RILPL1: variants seen among roughly 807,000 people sequenced by gnomAD.
The protein encoded by RILPL1 is Rab interacting lysosomal protein like 1, also known as RILP-like protein 1.
In RILPL1, 33 loss-of-function variants were observed where a neutral mutation model predicts 50.3. The ratio of observed to expected loss-of-function variants is 0.66; its 90% CI spans 0.50 to 0.88. The LOEUF (loss-of-function observed/expected upper bound fraction) is 0.88, where lower values mean the gene tolerates loss of function less well. RILPL1 is among the 40% of genes least tolerant of loss of function. The pLI is 0.00. For synonymous variants in RILPL1, 205 were observed against 228.6 expected (o/e 0.90, Z 0.93); for missense variants, 418 against 542.5 (o/e 0.77, Z 2.28).
intron 2 of RILPL1, chr12:123,513,402 G>A (rs1280610823): frequency 2.5e-5 from 9 of 357,690 alleles, no homozygotes; most frequent in Non-Finnish European, 4.7e-5. Flanking sequence ...CGAGAGGTGG[G>A]CGGGAGGCGA....
Position 123,470,093 on chromosome 12 carries a change from G to A in RILPL1, c.*2445C>T, listed in dbSNP as rs1881118123. On this transcript the variant is annotated 3_prime_UTR_variant, in exon 7 of 7. Transcript: ENST00000376874. The stretch of plus-strand genomic sequence containing the variant: ...TTGATTTTATTTTACATAATTGCAT[G>A]TATAAACTTTCTGATGGATTGATTT... 2 of 152,118 alleles carry A rather than the reference G, an allele frequency of 1.3e-5. No individual in the cohort carries two copies. Among genetic ancestry groups the A allele is most frequent in the East Asian group, 3.8e-4 (2 of 5,200 alleles). The allele number at this position is 152,118 out of a possible 1,614,324, so 9.4% of individuals were successfully genotyped here.
chr12:123,525,310 T>C (rs941293494), intron 1 of RILPL1, among the ~76,000 whole-genome samples: 2 of 151,142 alleles, frequency 1.3e-5, no homozygotes, highest in African/African-American at 4.9e-5. Context: ...CTTGAACTCC[T>C]GGGCTCAAGT....
intron 6 of RILPL1, among the ~76,000 whole-genome samples, chr12:123,483,748 T>C (rs1882143856): frequency 6.6e-6 from 1 of 152,120 alleles, no homozygotes; most frequent in Admixed American, 6.5e-5. Flanking sequence ...GAGGGCTACA[T>C]GGATGAGTCA....
At chr12:123,532,963 G>C (rs1301565387) in intron 1 of RILPL1, among the ~76,000 whole-genome samples, 1 of 152,208 alleles carries the variant, frequency 6.6e-6, no homozygotes, top group Non-Finnish European at 1.5e-5. Context: ...TGGAACTCCA[G>C]AGAACAGCTC....
intron 2 of RILPL1, chr12:123,514,316 A>C (rs796659379): frequency 2.0e-4 from 30 of 152,242 alleles, no homozygotes; most frequent in African/African-American, 7.0e-4. Flanking sequence ...GCAGGGAGGG[A>C]GGGCAGAGAC....
chr12:123,472,862 G>A (rs1881292439), intron 6 of RILPL1, 180 bp from the exon 7 acceptor site: 1 of 633,094 alleles, frequency 1.6e-6, no homozygotes, highest in African/African-American at 1.8e-5. Context: ...AGGGTATTCT[G>A]CGTGTCATTT....
intron 6 of RILPL1, among the ~76,000 whole-genome samples, chr12:123,479,516 C>T (rs577150986): frequency 5.3e-5 from 8 of 152,250 alleles, no homozygotes; most frequent in Non-Finnish European, 5.9e-5. Flanking sequence ...TCATTCCCTG[C>T]GCCAGCCCAG....
intron 2 of RILPL1, among the ~76,000 whole-genome samples, chr12:123,517,546 C>T (rs1003841879): frequency 3.0e-4 from 45 of 151,860 alleles, no homozygotes; most frequent in African/African-American, 1.1e-3. Context: ...CTCAGCCTCC[C>T]GAGTAGCTGG....
intron 6 of RILPL1, among the ~76,000 whole-genome samples, chr12:123,480,457 G>A (rs987351186): frequency 5.3e-5 from 8 of 151,928 alleles, no homozygotes; most frequent in African/African-American, 1.9e-4. Flanking sequence ...CACCGTGCCC[G>A]GCCTGAAAGG....
At position 123,498,541 on chromosome 12, in the gene RILPL1, C is replaced by T; in HGVS notation, c.801+3G>A. ...CCACCTCTGCACCCAGCTTCCTGCT[C>T]ACCTCAGGCTCCTCCTCCCCATTCT... On this transcript the variant is annotated splice_donor_region_variant and intron_variant, in intron 4 of 6. Coordinates refer to ENST00000376874, the MANE Select transcript of RILPL1 (RefSeq NM_178314.5). The surrounding 1 kb of genome is among the most constrained non-coding windows in gnomAD (Gnocchi z 4.3). 2 of 1,612,762 alleles carry T rather than the reference C, an allele frequency of 1.2e-6. No homozygotes were observed. The highest frequency in any genetic ancestry group is 1.7e-6 in the Non-Finnish European group (2 of 1,179,518).
intron 4 of RILPL1, among the ~76,000 whole-genome samples, chr12:123,496,036 G>C (rs1458885226): frequency 6.7e-6 from 1 of 148,982 alleles, no homozygotes; most frequent in East Asian, 2.0e-4. Context: ...TTTTGAGACA[G>C]AGTCTCACCC....
chr12:123,475,212 G>C (rs1881508767), intron 6 of RILPL1: 1 of 182,634 alleles, frequency 5.5e-6, no homozygotes, highest in Non-Finnish European at 1.2e-5. Context: ...TCAAAACACT[G>C]GTCCCCTCCT....
intron 6 of RILPL1, among the ~76,000 whole-genome samples, chr12:123,479,707 C>T (rs901727297): frequency 6.6e-6 from 1 of 152,184 alleles, no homozygotes; most frequent in Non-Finnish European, 1.5e-5. Context: ...TGCCACGGGA[C>T]TGGTCACCCG....
chr12:123,496,236 ACTC>A (rs1363517337), intron 4 of RILPL1, among the ~76,000 whole-genome samples: 1 of 151,368 alleles, frequency 6.6e-6, no homozygotes, highest in Non-Finnish European at 1.5e-5. Context: ...CTGGTCTCGA[ACTC>A]CTGACCTCAA....
At chr12:123,483,564 A>C (rs2139315667) in intron 6 of RILPL1, among the ~76,000 whole-genome samples, 1 of 152,302 alleles carries the variant, frequency 6.6e-6, no homozygotes, top group East Asian at 1.9e-4. Context: ...TCTGGGGGAA[A>C]TTTCAGGAGG....
At chr12:123,521,599 A>G (rs1481335726) in intron 2 of RILPL1, among the ~76,000 whole-genome samples, 2 of 21,790 alleles carry the variant, frequency 9.2e-5, no homozygotes, top group South Asian at 5.6e-3. Flanking sequence ...ATATATATTA[A>G]TATATATACA....
chr12:123,482,617 TCTC>T (rs1243924064), intron 6 of RILPL1, among the ~76,000 whole-genome samples: 4 of 148,754 alleles, frequency 2.7e-5, no homozygotes, highest in African/African-American at 7.6e-5. Flanking sequence ...CCTCTCTCTC[TCTC>T]TTTTTTTTTT....
chr12:123,485,429 G>A lies in RILPL1; in HGVS notation c.974+204C>T, dbSNP rs1044397095. On this transcript the variant is annotated intron_variant, in intron 5 of 6. Transcript: ENST00000376874. This position sits in a 1 kb window ranked among gnomAD's most constrained non-coding sequence, Gnocchi z 4.0. ...CTCCCAAAATACTGGAATTAAAGGT[G>A]TGAGCTCTGGTGCCCGGCCTGGGCC... is the stretch of plus-strand genomic sequence containing the variant. 3.3e-5 allele frequency among the ~76,000 whole-genome samples: 5 copies of A among 152,332 alleles called. No homozygotes were observed. The South Asian group carries it at 8.3e-4, about 25-fold the overall frequency.
chr12:123,532,260 C>T (rs1885461473), intron 1 of RILPL1, among the ~76,000 whole-genome samples: 1 of 152,230 alleles, frequency 6.6e-6, no homozygotes, highest in African/African-American at 2.4e-5. Context: ...GCATCCCTGG[C>T]TGAGGTTAGG....
Sources: allele counts gnomAD v4.1 joint callset (sites outside exome capture counted in the v4.1 genomes callset), GRCh38; gene constraint gnomAD v4.1.1; non-coding constraint Gnocchi (gnomAD v3.1); transcripts MANE v1.5; gene names NCBI Gene and HGNC (gene_info 2026-07-23, HGNC 2026-07-21).